The following RPS6KA2 variants were observed in gnomAD, a reference collection of about 807,000 sequenced individuals.
RPS6KA2 encodes ribosomal protein S6 kinase alpha-2.
RPS6KA2 carries 42 observed loss-of-function variants against 91.8 expected under a neutral mutation model. That is an observed-to-expected ratio of 0.46 (90% confidence interval 0.36 to 0.59). The LOEUF (loss-of-function observed/expected upper bound fraction) is 0.59, where lower values mean the gene tolerates loss of function less well. Among genes scored for constraint, RPS6KA2 ranks in the 20% least tolerant of loss-of-function variants. The pLI is 0.00. For missense variants in RPS6KA2, 798 were observed against 978.5 expected (o/e 0.82, Z 2.46); for synonymous variants, 414 against 393.6 (o/e 1.05, Z -0.61).
chr6:166,550,916 G>A lies in RPS6KA2; in HGVS notation c.100-12132C>T, dbSNP rs529818811. Among the ~76,000 whole-genome samples, 7 of 150,406 alleles carry A rather than the reference G, an allele frequency of 4.7e-5. No individual in the cohort carries two copies. The South Asian group carries it at 6.3e-4, about 14-fold the overall frequency. On this transcript the variant is annotated intron_variant, in intron 1 of 20. Transcript: ENST00000265678. ...CTCGGGAGGCTGAGGCAGCGGAATC[G>A]CTTGAACCTGGGAGGCGGAGGTTGC... is the stretch of plus-strand genomic sequence containing the variant.
intron 1 of RPS6KA2, among the ~76,000 whole-genome samples, chr6:166,606,279 C>T (rs188508080): frequency 4.6e-5 from 7 of 152,354 alleles, no homozygotes; most frequent in Non-Finnish European, 8.8e-5. Flanking sequence ...CCTGGAAACA[C>T]GCTCACCTGT....
At chr6:166,571,676 AC>A (rs1352418299) in intron 1 of RPS6KA2, among the ~76,000 whole-genome samples, 2 of 92,062 alleles carry the variant, frequency 2.2e-5, no homozygotes, top group Non-Finnish European at 3.9e-5. Flanking sequence ...TAGGTGAGAG[AC>A]TTTTTTTTTT....
intron 1 of RPS6KA2, among the ~76,000 whole-genome samples, chr6:166,541,118 T>G (rs1028594487): frequency 6.6e-6 from 1 of 152,182 alleles, no homozygotes; most frequent in Non-Finnish European, 1.5e-5. Context: ...GCTCCCATCA[T>G]GCAGCTGTGT....
chr6:166,698,470 G>A (rs1417294308), intron 2 of RPS6KA2, among the ~76,000 whole-genome samples: 1 of 152,152 alleles, frequency 6.6e-6, no homozygotes, highest in Non-Finnish European at 1.5e-5. Context: ...ATAGGGCTAT[G>A]GTCAGAATAA....
intron 11 of RPS6KA2, 42 bp downstream of exon 11, chr6:166,469,799 G>C: frequency 6.5e-7 from 1 of 1,543,542 alleles, no homozygotes. Flanking sequence ...ACCCACTTCT[G>C]TGTCACGCGT....
intron 2 of RPS6KA2, chr6:166,702,289 T>C: frequency 6.2e-7 from 1 of 1,613,424 alleles, no homozygotes; most frequent in Non-Finnish European, 8.5e-7. Context: ...ACCCCTGCCT[T>C]GAGGAGCCCC....
At chr6:166,703,469 T>C (rs1016043200) in intron 2 of RPS6KA2, among the ~76,000 whole-genome samples, 1 of 152,232 alleles carries the variant, frequency 6.6e-6, no homozygotes, top group Non-Finnish European at 1.5e-5. Context: ...GCCTAGAACA[T>C]GATTTTCTCA....
At chr6:166,413,729 G>A in intron 20 of RPS6KA2, 65 bp downstream of exon 20, 3 of 1,542,610 alleles carry the variant, frequency 1.9e-6, no homozygotes, top group Non-Finnish European at 2.7e-6. Flanking sequence ...GTGATTGCAA[G>A]GTATCAGGCT....
chr6:166,698,967 G>C (rs975583345), intron 2 of RPS6KA2, among the ~76,000 whole-genome samples: 2 of 152,200 alleles, frequency 1.3e-5, no homozygotes, highest in African/African-American at 4.8e-5. Flanking sequence ...GAGGAACGAA[G>C]AGGTCAGGTG....
chr6:166,480,243 T>C (rs1381699353), intron 10 of RPS6KA2, among the ~76,000 whole-genome samples: 1 of 151,842 alleles, frequency 6.6e-6, no homozygotes, highest in Non-Finnish European at 1.5e-5. Flanking sequence ...CTGTGCTAAC[T>C]TGAGAGGTAA....
At chr6:166,587,679 T>TATATAC (rs1450490232) in intron 1 of RPS6KA2, among the ~76,000 whole-genome samples, 18 of 151,246 alleles carry the variant, frequency 1.2e-4, no homozygotes, top group African/African-American at 2.7e-4. Flanking sequence ...TATATATATA[T>TATATAC]ACACACACAA....
At chr6:166,815,147 C>A (rs16899521) in intron 2 of RPS6KA2, among the ~76,000 whole-genome samples, 2 of 152,108 alleles carry the variant, frequency 1.3e-5, no homozygotes, top group Non-Finnish European at 2.9e-5. Context: ...TCTAAATGAC[C>A]GATTAAAGAA....
At chr6:166,422,307 G>C (rs868336313) in intron 17 of RPS6KA2, among the ~76,000 whole-genome samples, 1 of 152,126 alleles carries the variant, frequency 6.6e-6, no homozygotes, top group South Asian at 2.1e-4. Flanking sequence ...ATCCGTTCAC[G>C]TCTCAGCACG....
At chr6:166,828,088 A>G (rs1237014668) in intron 2 of RPS6KA2, among the ~76,000 whole-genome samples, 1 of 152,246 alleles carries the variant, frequency 6.6e-6, no homozygotes, top group Admixed American at 6.5e-5. Context: ...AAAAGTAAGT[A>G]CAAACCCATG....
At chr6:166,444,905 T>A (rs1482321301) in intron 14 of RPS6KA2, among the ~76,000 whole-genome samples, 1 of 152,202 alleles carries the variant, frequency 6.6e-6, no homozygotes, top group Non-Finnish European at 1.5e-5. Flanking sequence ...ACCCAGCATA[T>A]AGCAGGGACT....
At position 166,571,658 on chromosome 6, in the gene RPS6KA2, A is replaced by C. The variant is rs1784691191; in HGVS notation, c.100-32874T>G. Among the ~76,000 whole-genome samples, 4 of 146,194 alleles carry C rather than the reference A, an allele frequency of 2.7e-5. No individual in the cohort carries two copies. The South Asian group carries it at 9.2e-4, about 34-fold the overall frequency. On this transcript the variant is annotated intron_variant, in intron 1 of 20. Coordinates refer to ENST00000265678, the MANE Select transcript of RPS6KA2 (RefSeq NM_021135.6). ...AGTCTCATTAGTAATCAAAGAAATA[A>C]AATTAGATAGGTGAGAGACTTTTTT... is the stretch of plus-strand genomic sequence containing the variant.
chr6:166,744,865 G>C (rs907248735), intron 2 of RPS6KA2, among the ~76,000 whole-genome samples: 5 of 152,168 alleles, frequency 3.3e-5, no homozygotes, highest in African/African-American at 9.7e-5. Flanking sequence ...AGCTTAGGGG[G>C]CCTGGGCCTT....
intron 2 of RPS6KA2, chr6:166,702,533 G>A: frequency 6.9e-7 from 1 of 1,451,244 alleles, no homozygotes; most frequent in African/African-American, 1.4e-5. Context: ...ACTCCATACT[G>A]GACTAGTCAA....
chr6:166,790,553 C>G (rs1014866484), intron 2 of RPS6KA2, among the ~76,000 whole-genome samples: 2 of 151,988 alleles, frequency 1.3e-5, no homozygotes, highest in African/African-American at 4.8e-5. Flanking sequence ...CTCCAAGACA[C>G]ATAATTGTCA....
Sources: gnomAD v4.1 joint callset for allele counts (sites outside exome capture counted in the v4.1 genomes callset) on GRCh38, gnomAD v4.1.1 for gene constraint, MANE v1.5 for transcripts, NCBI Gene and HGNC (gene_info 2026-07-23, HGNC 2026-07-21) for gene names.